CIZ1: variants seen among roughly 807,000 people sequenced by gnomAD.
CIZ1 encodes cip1-interacting zinc finger protein.
CIZ1 carries 58 observed loss-of-function variants against 118.6 expected under a neutral mutation model. The observed-to-expected ratio is 0.49, with a 90% confidence interval of 0.40 to 0.61. The LOEUF is 0.61. CIZ1 is among the 20% of genes least tolerant of loss of function. The pLI, the probability that CIZ1 is intolerant of heterozygous loss-of-function variation, is 0.00. For synonymous variants in CIZ1, 448 were observed against 443.4 expected (o/e 1.01, Z -0.13); for missense variants, 921 against 1,115.9 (o/e 0.83, Z 2.49).
upstream of CIZ1, among the ~76,000 whole-genome samples, chr9:128,194,171 G>C (rs1005376575): frequency 2.6e-5 from 4 of 151,936 alleles, no homozygotes; most frequent in African/African-American, 9.7e-5. Context: ...AGACCAGCCT[G>C]GCCAACATGG....
intron 9 of CIZ1, 137 bp downstream of exon 9, chr9:128,178,232 C>G (rs933048462): frequency 9.1e-7 from 1 of 1,096,812 alleles, no homozygotes; most frequent in South Asian, 1.5e-5. Flanking sequence ...GCCACCCATC[C>G]TAGGCAGAGG....
intron 11 of CIZ1, among the ~76,000 whole-genome samples, chr9:128,173,346 C>T (rs956400983): frequency 2.6e-5 from 4 of 151,846 alleles, no homozygotes; most frequent in African/African-American, 4.8e-5. Flanking sequence ...GGGGTTTCAC[C>T]GTGTTAGCCA....
At chr9:128,169,981 G>A (rs368827393) in intron 12 of CIZ1, 39 bp downstream of exon 12, 11 of 1,554,876 alleles carry the variant, frequency 7.1e-6, no homozygotes, top group African/African-American at 6.9e-5. Flanking sequence ...ACTTGCAGAC[G>A]GCAGTGCGGG....
chr9:128,190,459 G>T lies in CIZ1; in HGVS notation c.171-15C>A, dbSNP rs45515998. 7 of 1,589,608 alleles carry T rather than the reference G, an allele frequency of 4.4e-6. No individual in the cohort carries two copies. Among genetic ancestry groups the T allele is most frequent in the South Asian group, 2.2e-5 (2 of 89,736 alleles). ...GGGGGAGCCCCCTGTGTGTTGGGAG[G>T]GGGTGTCAGAGGGTTATTTGGAAAG... On this transcript the variant is annotated splice_polypyrimidine_tract_variant and intron_variant, in intron 2 of 16. Transcript: ENST00000372938.
At chr9:128,186,545 GA>G (rs1832397643) in intron 4 of CIZ1, among the ~76,000 whole-genome samples, 1 of 152,190 alleles carries the variant, frequency 6.6e-6, no homozygotes, top group Admixed American at 6.5e-5. Context: ...TTTTGCACAA[GA>G]TGGCAGCAAA....
At chr9:128,204,139 CGCGG>C (rs1442425351) in intron 1 of CIZ1, 2 of 152,550 alleles carry the variant, frequency 1.3e-5, no homozygotes, top group African/African-American at 4.8e-5. Flanking sequence ...GACGTAGTCC[CGCGG>C]GCATCGAGGA....
intron 11 of CIZ1, among the ~76,000 whole-genome samples, chr9:128,173,483 T>TGACG (rs1830421225): frequency 6.6e-6 from 1 of 151,508 alleles, no homozygotes; most frequent in South Asian, 2.1e-4. Context: ...ACAGGTCTCA[T>TGACG]GACGGGCTGG....
chr9:128,195,768 C>T (rs1286405229), upstream of CIZ1, among the ~76,000 whole-genome samples: 1 of 152,120 alleles, frequency 6.6e-6, no homozygotes, highest in Non-Finnish European at 1.5e-5. Context: ...CATTGTTATT[C>T]TTTAAAAAAT....
intron 4 of CIZ1, among the ~76,000 whole-genome samples, chr9:128,187,295 G>C (rs1340375265): frequency 6.6e-6 from 1 of 152,194 alleles, no homozygotes; most frequent in African/African-American, 2.4e-5. Context: ...CTCAGGGGAA[G>C]CCCAGAGCTT....
chr9:128,181,499 C>A (rs1471682673), intron 5 of CIZ1, among the ~76,000 whole-genome samples: 1 of 152,042 alleles, frequency 6.6e-6, no homozygotes, highest in East Asian at 1.9e-4. Flanking sequence ...CTTTTTATTC[C>A]AATATTATGA....
upstream of CIZ1, among the ~76,000 whole-genome samples, chr9:128,192,873 G>T (rs1411593011): frequency 1.3e-5 from 2 of 152,210 alleles, no homozygotes; most frequent in South Asian, 4.1e-4. Flanking sequence ...CTTTTCTGTG[G>T]CTCCCTGCCT....
chr9:128,186,997 T>A (rs1025989101), intron 4 of CIZ1, among the ~76,000 whole-genome samples: 2 of 150,548 alleles, frequency 1.3e-5, no homozygotes, highest in African/African-American at 2.5e-5. Context: ...TGGAGTGCAG[T>A]GGTGCGATCT....
upstream of CIZ1, chr9:128,191,774 G>C (rs1442531448): frequency 7.1e-7 from 1 of 1,418,282 alleles, no homozygotes; most frequent in Non-Finnish European, 9.2e-7. This position sits in a 1 kb window ranked among gnomAD's most constrained non-coding sequence, Gnocchi z 5.5. Flanking sequence ...GAGGCTCGGA[G>C]ACCAAGGTCC....
upstream of CIZ1, chr9:128,192,054 T>G (rs1293211688): frequency 1.5e-6 from 1 of 646,050 alleles, no homozygotes; most frequent in African/African-American, 1.9e-5. Context: ...CTCAGTAGAT[T>G]TGGCTAAGGA....
Position 128,191,439 on chromosome 9 carries a change from C to A in CIZ1, c.-13G>T. ...CCGCCCCCGGCCCCGCACCTCGCCT[C>A]CCCGCGCGCCCTCAACGCTCAAGTC... On this transcript the variant is annotated 5_prime_UTR_variant, in exon 1 of 17. Coordinates refer to ENST00000372938, the MANE Select transcript of CIZ1 (RefSeq NM_001131016.2). This position sits in a 1 kb window ranked among gnomAD's most constrained non-coding sequence, Gnocchi z 5.5. 9 of 968,976 alleles carry A rather than the reference C, an allele frequency of 9.3e-6. No homozygotes were observed. Among genetic ancestry groups the A allele is most frequent in the Non-Finnish European group, 1.1e-5 (9 of 812,904 alleles). The allele number at this position is 968,976 out of a possible 1,614,324, so 60.0% of individuals were successfully genotyped here.
chr9:128,201,651 T>A (rs377156754), intron 1 of CIZ1, among the ~76,000 whole-genome samples: 3 of 152,186 alleles, frequency 2.0e-5, no homozygotes, highest in South Asian at 2.1e-4. Flanking sequence ...GCACTGATGC[T>A]CCAGCTGTCT....
Position 128,203,327 on chromosome 9 carries a change from G to A in CIZ1, c.-6+859C>T. The stretch of plus-strand genomic sequence containing the variant: ...CCGCGGGCTCCCCCTAGCGGCGTCC[G>A]GGAGCGGTGCTCGCTCCGATCCCCG... On this transcript the variant is annotated intron_variant, in intron 1 of 17. Transcript: ENST00000372948. This position sits in a 1 kb window ranked among gnomAD's most constrained non-coding sequence, Gnocchi z 5.3. 1 of 706,632 alleles carries A rather than the reference G, an allele frequency of 1.4e-6. No homozygotes were observed. Among genetic ancestry groups the A allele is most frequent in the Non-Finnish European group, 1.9e-6 (1 of 535,802 alleles). The allele number at this position is 706,632 out of a possible 1,614,324, so 43.8% of individuals were successfully genotyped here.
chr9:128,180,916 CCT>C, intron 5 of CIZ1, 102 bp from the exon 6 acceptor site: 1 of 819,638 alleles, frequency 1.2e-6, no homozygotes, highest in South Asian at 1.5e-5. Flanking sequence ...ATGACAGGGC[CCT>C]GAGGACCTCT....
chr9:128,180,207 T>G (rs972225606), intron 7 of CIZ1, among the ~76,000 whole-genome samples: 1 of 152,100 alleles, frequency 6.6e-6, no homozygotes, highest in East Asian at 1.9e-4. Context: ...GGTGGCTCAG[T>G]CTCAAGGAAG....
Sources: allele counts gnomAD v4.1 joint callset (sites outside exome capture counted in the v4.1 genomes callset), GRCh38; gene constraint gnomAD v4.1.1; non-coding constraint Gnocchi (gnomAD v3.1); transcripts MANE v1.5; gene names NCBI Gene and HGNC (gene_info 2026-07-23, HGNC 2026-07-21).